The following DLGAP2 variants were observed in gnomAD, a reference collection of about 807,000 sequenced individuals.
DLGAP2 encodes DLG associated protein 2.
DLGAP2 carries 26 observed loss-of-function variants against 100.3 expected under a neutral mutation model. The observed-to-expected ratio is 0.26, with a 90% confidence interval of 0.19 to 0.36. The LOEUF (loss-of-function observed/expected upper bound fraction) is 0.36, where lower values mean the gene tolerates loss of function less well. Ranked by LOEUF, DLGAP2 falls within the 10% of genes least tolerant of loss-of-function variation. The pLI is 1.00. For synonymous variants in DLGAP2, 886 were observed against 630.1 expected (o/e 1.41, Z -6.08); for missense variants, 1,858 against 1,453.2 (o/e 1.28, Z -4.53).
intron 2 of DLGAP2, among the ~76,000 whole-genome samples, chr8:1,219,019 T>C (rs768830539): frequency 6.6e-6 from 1 of 152,228 alleles, no homozygotes; most frequent in African/African-American, 2.4e-5. Context: ...TAGGAGCCTT[T>C]GGGCAGAAAC....
Position 771,855 on chromosome 8 carries a change from A to G in DLGAP2, c.18+34030A>G, listed in dbSNP as rs1021688439. Among the ~76,000 whole-genome samples, 8 of 152,302 alleles carry G rather than the reference A, an allele frequency of 5.3e-5. No individual in the cohort carries two copies. In the East Asian group the frequency reaches 1.2e-3, roughly 22 times the overall value. On this transcript the variant is annotated intron_variant, in intron 1 of 14. Coordinates refer to ENST00000637795, the MANE Select transcript of DLGAP2 (RefSeq NM_001346810.2). ...GGCAGTGTGGAGCGTGTCCTTCTAA[A>G]CTGATTGTGTCTGGTGGGGACAGAA...
chr8:949,547 C>T (rs1295403931), intron 2 of DLGAP2, among the ~76,000 whole-genome samples: 1 of 152,186 alleles, frequency 6.6e-6, no homozygotes, highest in Non-Finnish European at 1.5e-5. Flanking sequence ...CCAGTGCCTG[C>T]CGGGGCAGGA....
At chr8:955,011 C>T (rs1157224361) in intron 2 of DLGAP2, among the ~76,000 whole-genome samples, 1 of 152,108 alleles carries the variant, frequency 6.6e-6, no homozygotes, top group Non-Finnish European at 1.5e-5. Context: ...TAGCATTCCA[C>T]AGAACGGTTT....
At chr8:1,111,767 T>C (rs1168598280) in intron 2 of DLGAP2, among the ~76,000 whole-genome samples, 1 of 152,240 alleles carries the variant, frequency 6.6e-6, no homozygotes, top group Non-Finnish European at 1.5e-5. Context: ...TAGTATTCCA[T>C]GGTATAGATG....
At chr8:1,242,695 C>T (rs1401851719) in intron 2 of DLGAP2, among the ~76,000 whole-genome samples, 1 of 152,092 alleles carries the variant, frequency 6.6e-6, no homozygotes, top group Non-Finnish European at 1.5e-5. Flanking sequence ...GGTAAGGGAC[C>T]CACAGTGAGT....
At chr8:1,157,358 G>T (rs548635621) in intron 2 of DLGAP2, among the ~76,000 whole-genome samples, 2 of 152,312 alleles carry the variant, frequency 1.3e-5, no homozygotes, top group East Asian at 3.9e-4. Context: ...GGCCCTCAGG[G>T]AGTTCGAGTC....
rs1799756697 is a variant in DLGAP2, at chr8:1,708,226, T to C, written c.*6820T>C. On this transcript the variant is annotated 3_prime_UTR_variant, in exon 15 of 15. Coordinates refer to ENST00000637795, the MANE Select transcript of DLGAP2 (RefSeq NM_001346810.2). Reference sequence around the variant, plus strand: ...TGGCAATTAAATTTTTTGAGAAAAGTAATGTTTACTTTTTTATTGGAGTGA... The same window carrying C: ...TGGCAATTAAATTTTTTGAGAAAAGCAATGTTTACTTTTTTATTGGAGTGA... 1 of 152,238 alleles carries C rather than the reference T, an allele frequency of 6.6e-6. No homozygotes were observed. Among genetic ancestry groups the C allele is most frequent in the Non-Finnish European group, 1.5e-5 (1 of 68,040 alleles). The allele number at this position is 152,238 out of a possible 1,614,324, so 9.4% of individuals were successfully genotyped here.
At position 1,368,114 on chromosome 8, in the gene DLGAP2, T is replaced by C. The variant is rs79455406; in HGVS notation, c.106+109231T>C. 5.2e-4 allele frequency among the ~76,000 whole-genome samples: 79 copies of C among 152,342 alleles called. 1 individual carries two copies. In the East Asian group the frequency reaches 0.012, roughly 23 times the overall value. On this transcript the variant is annotated intron_variant, in intron 3 of 14. Coordinates refer to ENST00000637795, the MANE Select transcript of DLGAP2 (RefSeq NM_001346810.2). The stretch of plus-strand genomic sequence containing the variant: ...TGTTGTGTTGAGTGCTGATTGTATG[T>C]ATGTAGGCATGTGCGTGTATGCATG...
At chr8:1,428,267 T>G (rs1459503453) in intron 3 of DLGAP2, among the ~76,000 whole-genome samples, 1 of 152,026 alleles carries the variant, frequency 6.6e-6, no homozygotes, top group Non-Finnish European at 1.5e-5. Flanking sequence ...TATAACACAA[T>G]GAGCAATTTT....
chr8:1,331,593 C>T (rs913433225), intron 3 of DLGAP2, among the ~76,000 whole-genome samples: 2 of 152,110 alleles, frequency 1.3e-5, no homozygotes, highest in African/African-American at 2.4e-5. Context: ...TAATATAATC[C>T]GTCTTGTGTT....
intron 3 of DLGAP2, among the ~76,000 whole-genome samples, chr8:1,392,282 G>A (rs576180878): frequency 3.3e-5 from 5 of 152,218 alleles, no homozygotes; most frequent in East Asian, 1.9e-4. Context: ...AGGTCGAGGC[G>A]CAGTCCAGAT....
intron 1 of DLGAP2, among the ~76,000 whole-genome samples, chr8:885,958 T>C (rs1221802603): frequency 6.6e-6 from 1 of 152,222 alleles, no homozygotes; most frequent in African/African-American, 2.4e-5. Context: ...TTGTTTGGAA[T>C]AGTTTCAGAA....
chr8:836,037 TAACTC>T (rs1408688277), intron 1 of DLGAP2, among the ~76,000 whole-genome samples: 3 of 152,218 alleles, frequency 2.0e-5, no homozygotes, highest in Non-Finnish European at 4.4e-5. Context: ...GATCCGCACT[TAACTC>T]AGAATAAATG....
intron 14 of DLGAP2, among the ~76,000 whole-genome samples, chr8:1,698,292 C>A (rs890490091): frequency 6.6e-6 from 1 of 152,018 alleles, no homozygotes; most frequent in African/African-American, 2.4e-5. Flanking sequence ...TGGGACTAGG[C>A]AGGTCCACTT....
chr8:1,683,952 G>GTATATATATATATATA (rs1171271402), intron 12 of DLGAP2, among the ~76,000 whole-genome samples: 11 of 20,346 alleles, frequency 5.4e-4, no homozygotes, highest in African/African-American at 2.3e-3. Flanking sequence ...ATATATATGT[G>GTATATATATATATATA]TGTATATATA....
At chr8:1,189,422 A>C (rs941922448) in intron 2 of DLGAP2, among the ~76,000 whole-genome samples, 1 of 152,226 alleles carries the variant, frequency 6.6e-6, no homozygotes, top group Non-Finnish European at 1.5e-5. Flanking sequence ...ACCATGTCAG[A>C]AGCATTTGGA....
intron 1 of DLGAP2, among the ~76,000 whole-genome samples, chr8:779,883 CAAAT>C (rs1287741620): frequency 6.6e-6 from 1 of 151,928 alleles, no homozygotes; most frequent in African/African-American, 2.4e-5. Context: ...TTTAAATTGA[CAAAT>C]AATCACTGTA....
intron 6 of DLGAP2, among the ~76,000 whole-genome samples, chr8:1,612,563 C>G (rs938664349): frequency 5.5e-5 from 4 of 72,640 alleles, no homozygotes; most frequent in African/African-American, 2.2e-4. Context: ...AACTAAAGAG[C>G]TTCTGAACAG....
chr8:1,086,795 A>G (rs538462671), intron 2 of DLGAP2, among the ~76,000 whole-genome samples: 3 of 152,234 alleles, frequency 2.0e-5, no homozygotes, highest in Admixed American at 6.5e-5. Context: ...GAGATAGGCT[A>G]TGATGCAGCA....
Sources: gnomAD v4.1 joint callset for allele counts (sites outside exome capture counted in the v4.1 genomes callset) on GRCh38, gnomAD v4.1.1 for gene constraint, MANE v1.5 for transcripts, NCBI Gene and HGNC (gene_info 2026-07-23, HGNC 2026-07-21) for gene names.